The following FBXW7 variants were observed in gnomAD, a reference collection of about 807,000 sequenced individuals.
FBXW7 encodes the protein F-box and WD repeat domain containing 7.
FBXW7 carries 11 observed loss-of-function variants against 86.3 expected under a neutral mutation model. That is an observed-to-expected ratio of 0.13 (90% confidence interval 0.08 to 0.21). The LOEUF (loss-of-function observed/expected upper bound fraction) is 0.21. FBXW7 is among the 10% of genes least tolerant of loss of function. The pLI, the probability that FBXW7 is intolerant of heterozygous loss-of-function variation, is 1.00. For synonymous variants in FBXW7, 313 were observed against 297.9 expected (o/e 1.05, Z -0.52); for missense variants, 488 against 847.4 (o/e 0.58, Z 5.27).
At chr4:152,421,492 G>A (rs558165440) in intron 2 of FBXW7, among the ~76,000 whole-genome samples, 1 of 152,192 alleles carries the variant, frequency 6.6e-6, no homozygotes, top group Non-Finnish European at 1.5e-5. Flanking sequence ...GAGGTCAGGA[G>A]TTCAAGAACA....
At chr4:152,482,389 T>C (rs1744959616) in intron 2 of FBXW7, among the ~76,000 whole-genome samples, 1 of 152,194 alleles carries the variant, frequency 6.6e-6, no homozygotes, top group South Asian at 2.1e-4. Context: ...ATATTTGTTT[T>C]ATTGTGATGG....
chr4:152,425,098 T>C (rs553231175), intron 2 of FBXW7, among the ~76,000 whole-genome samples: 1 of 152,156 alleles, frequency 6.6e-6, no homozygotes, highest in African/African-American at 2.4e-5. Context: ...GCTCCACTCT[T>C]GTCTACCTGA....
chr4:152,364,932 T>C (rs955008022), intron 4 of FBXW7, among the ~76,000 whole-genome samples: 2 of 152,204 alleles, frequency 1.3e-5, no homozygotes, highest in African/African-American at 2.4e-5. Flanking sequence ...TCATTCAATA[T>C]AATAGTTACT....
At chr4:152,498,884 T>C (rs1279583998) in intron 2 of FBXW7, among the ~76,000 whole-genome samples, 5 of 152,156 alleles carry the variant, frequency 3.3e-5, no homozygotes, top group Admixed American at 6.5e-5. Context: ...AAATAGAGTA[T>C]AAGTGCTTGA....
At chr4:152,452,534 TG>T (rs1218650645) in intron 2 of FBXW7, among the ~76,000 whole-genome samples, 1 of 152,224 alleles carries the variant, frequency 6.6e-6, no homozygotes, top group African/African-American at 2.4e-5. Context: ...CTCAGAATAG[TG>T]TTCAATACTA....
At chr4:152,457,727 A>T (rs2149624015) in intron 2 of FBXW7, among the ~76,000 whole-genome samples, 1 of 151,826 alleles carries the variant, frequency 6.6e-6, no homozygotes, top group East Asian at 1.9e-4. Context: ...GGAGCAGAGA[A>T]ATTAAAATCT....
At chr4:152,419,877 T>A (rs1738789405) in intron 2 of FBXW7, among the ~76,000 whole-genome samples, 1 of 152,192 alleles carries the variant, frequency 6.6e-6, no homozygotes, top group African/African-American at 2.4e-5. Context: ...AATGATCAAC[T>A]GAGACTTCAG....
chr4:152,336,621 T>G (rs1296367482), intron 7 of FBXW7, among the ~76,000 whole-genome samples: 1 of 152,076 alleles, frequency 6.6e-6, no homozygotes, highest in Non-Finnish European at 1.5e-5. Context: ...GACGTCACTT[T>G]CATAAGCCAA....
At chr4:152,424,209 A>G (rs1239568634) in intron 2 of FBXW7, among the ~76,000 whole-genome samples, 2 of 151,898 alleles carry the variant, frequency 1.3e-5, no homozygotes, top group African/African-American at 4.8e-5. Context: ...ATTCGGCAGT[A>G]GGGCCCAGTT....
intron 2 of FBXW7, among the ~76,000 whole-genome samples, chr4:152,516,142 C>G (rs1018119171): frequency 6.6e-6 from 1 of 152,222 alleles, no homozygotes; most frequent in African/African-American, 2.4e-5. Context: ...CCCAGCTAAA[C>G]CATACCCAAA....
chr4:152,496,656 C>CA (rs1160498157), intron 2 of FBXW7, among the ~76,000 whole-genome samples: 95 of 138,594 alleles, frequency 6.9e-4, no homozygotes, highest in African/African-American at 1.9e-3. Flanking sequence ...GACTCCATCT[C>CA]AAAAAAAAAA....
chr4:152,401,055 G>A (rs769180384), intron 4 of FBXW7, among the ~76,000 whole-genome samples: 76 of 152,328 alleles, frequency 5.0e-4, no homozygotes, highest in Non-Finnish European at 1.0e-3. Context: ...TGCCACTGAA[G>A]ATGTGGAGCC....
At chr4:152,418,025 C>T (rs187500537) in intron 2 of FBXW7, among the ~76,000 whole-genome samples, 134 of 152,024 alleles carry the variant, frequency 8.8e-4, no homozygotes, top group African/African-American at 3.1e-3. Context: ...GTACTGATAT[C>T]AAAAGCTCTT....
At chr4:152,492,863 C>T (rs1371053905) in intron 2 of FBXW7, among the ~76,000 whole-genome samples, 1 of 151,764 alleles carries the variant, frequency 6.6e-6, no homozygotes, top group Non-Finnish European at 1.5e-5. Flanking sequence ...GATTTGAACT[C>T]GTTTTTTTAA....
chr4:152,392,472 C>CG (rs1206204012), intron 4 of FBXW7, among the ~76,000 whole-genome samples: 1 of 151,986 alleles, frequency 6.6e-6, no homozygotes, highest in Admixed American at 6.6e-5. Context: ...GGAGATGATA[C>CG]GGAAAAAGAA....
In FBXW7 at chr4:152,328,259, G is replaced by T. The variant is rs775244232; in HGVS notation, c.1367C>A (p.Thr456Asn). The change falls in exon 11 of 14, where the codon ACC becomes AAC. Residue 456 changes from threonine (T) to asparagine (N), a missense_variant. This residue lies in a region of FBXW7 where 142 missense variants were observed against 406.6 expected (regional missense o/e 0.35). Transcript: ENST00000281708. The stretch of plus-strand genomic sequence containing the variant: ...CACAGTGGAAGTATGCCCATATAAG[G>T]TGTGTATACATTCTCCAGTCTCTGC... ...WNAETGECIH[T>N]LYGHTSTVRC... is the part of the protein sequence containing the mutation. 6.2e-7 allele frequency: 1 copy of T among 1,602,672 alleles called. No homozygotes were observed. The highest frequency in any genetic ancestry group is 1.1e-5 in the South Asian group (1 of 89,014).
intron 2 of FBXW7, among the ~76,000 whole-genome samples, chr4:152,434,191 G>GT (rs1740170039): frequency 6.6e-6 from 1 of 152,188 alleles, no homozygotes; most frequent in Admixed American, 6.5e-5. Context: ...TATATGGACA[G>GT]TAAGTGTCGT....
At chr4:152,423,730 G>A (rs1237659404) in intron 2 of FBXW7, among the ~76,000 whole-genome samples, 1 of 152,054 alleles carries the variant, frequency 6.6e-6, no homozygotes, top group Non-Finnish European at 1.5e-5. Context: ...AAAACAGACA[G>A]AGTATAAATT....
rs777534537 is a variant in FBXW7, at chr4:152,347,496, C to G, written c.585-425G>C. On this transcript the variant is annotated intron_variant, in intron 5 of 13. Coordinates refer to ENST00000281708, the MANE Select transcript of FBXW7 (RefSeq NM_001349798.2). ...TACTTTATTAAAGCTTTAAAAAACTCAGACATAGAAATACTATGTTCAAAT... is the reference window on the plus strand; with the variant it reads ...TACTTTATTAAAGCTTTAAAAAACTGAGACATAGAAATACTATGTTCAAAT... Among the ~76,000 whole-genome samples, 4 of 152,230 alleles carry G rather than the reference C, an allele frequency of 2.6e-5. No homozygotes were observed. The South Asian group carries it at 8.3e-4, about 32-fold the overall frequency.
Sources: allele counts gnomAD v4.1 joint callset (sites outside exome capture counted in the v4.1 genomes callset), GRCh38; gene constraint gnomAD v4.1.1; regional missense constraint gnomAD v4.1.1; transcripts MANE v1.5; gene names NCBI Gene and HGNC (gene_info 2026-07-23, HGNC 2026-07-21).